SULT1B1: variants seen among roughly 807,000 people sequenced by gnomAD.
SULT1B1 encodes the protein sulfotransferase family 1B member 1, also known as sulfotransferase 1B1.
A neutral mutation model predicts 34.6 loss-of-function variants in SULT1B1; 28 were observed. The observed-to-expected ratio is 0.81, with a 90% confidence interval of 0.60 to 1.11. The LOEUF is 1.11. SULT1B1 is among the 50% of genes least tolerant of loss of function. The probability of loss-of-function intolerance (pLI) is 0.00; values close to 1 mark genes in which losing one functional copy is unlikely to be tolerated. For synonymous variants in SULT1B1, 147 were observed against 110.2 expected, an observed-to-expected ratio of 1.33 and a Z score of -2.09; for missense variants, 374 against 352.2, an observed-to-expected ratio of 1.06 and a Z score of -0.50.
intron 4 of SULT1B1, among the ~76,000 whole-genome samples, chr4:69,748,822 C>T (rs958160122): frequency 6.6e-6 from 1 of 152,012 alleles, no homozygotes; most frequent in Admixed American, 6.5e-5. Flanking sequence ...CAATTGAAAG[C>T]ATGACATATC....
At chr4:69,729,826 A>C (rs1252951535) in intron 7 of SULT1B1, among the ~76,000 whole-genome samples, 1 of 152,196 alleles carries the variant, frequency 6.6e-6, no homozygotes, top group South Asian at 2.1e-4. Flanking sequence ...TAACTTCTCA[A>C]AGTTATTTAA....
At position 69,727,098 on chromosome 4, in the gene SULT1B1, G is replaced by T. The variant is rs1176150916; in HGVS notation, c.881C>A (p.Thr294Lys). The T allele has an allele frequency of 3.7e-6, 6 of 1,602,326 alleles. No individual in the cohort carries two copies. The highest frequency in any genetic ancestry group is 5.1e-6 in the Non-Finnish European group (6 of 1,174,694). The change falls in exon 8 of 8, where the codon ACA (threonine) becomes AAA (lysine). Residue 294 changes from threonine (T) to lysine (K), a missense_variant. Thr to Lys is a moderately conservative substitution (Grantham distance 78, BLOSUM62 -1). Transcript: ENST00000310613. ...EMSKTALQFR[T>K]EI ...TGTGATTTAGACACTTTAAATCTCT[G>T]TGCGGAATTGAAGTGCAGTTTTGGA...
chr4:69,743,252 G>C (rs1718620328), intron 4 of SULT1B1, among the ~76,000 whole-genome samples: 1 of 152,170 alleles, frequency 6.6e-6, no homozygotes, highest in South Asian at 2.1e-4. Context: ...ATGAAGAGGA[G>C]CTTTATTGAG....
In SULT1B1 at chr4:69,733,094, AC is replaced by A. The variant is rs536657700; in HGVS notation, c.597+318del. Among the ~76,000 whole-genome samples the A allele has an allele frequency of 5.7e-4, 87 of 152,294 alleles. 1 individual carries two copies. The highest frequency in any genetic ancestry group is 2.0e-3 in the African/African-American group (85 of 41,586). The stretch of plus-strand genomic sequence containing the variant: ...CGAATATAGCAAACAATTTTTAAAA[AC>A]AATGTTAAAATATTAATGAGTAGAT... On this transcript the variant is annotated intron_variant, in intron 6 of 7. Transcript: ENST00000310613.
rs773785995 is a variant in SULT1B1 at position 69,755,104 on chromosome 4, TG to T, written c.113del (p.Pro38GlnfsTer5). 2.1e-5 allele frequency: 34 copies of T among 1,613,902 alleles called. No individual in the cohort carries two copies. Among genetic ancestry groups the T allele is most frequent in the Middle Eastern group, 1.7e-4 (1 of 6,060 alleles). ...WEKIEQFHSR[P>X]DDIVIATYPK... Reference sequence around the variant, plus strand: ...GATAAGTGGCTATCACAATGTCATCTGGTCTGCTATGGAACTGTTCAATTTT... The same window carrying T: ...GATAAGTGGCTATCACAATGTCATCTGTCTGCTATGGAACTGTTCAATTTT... On this transcript the variant is annotated frameshift_variant, in exon 2 of 8. Coordinates refer to ENST00000310613, the MANE Select transcript of SULT1B1 (RefSeq NM_014465.4). LOFTEE classifies it high-confidence loss of function.
chr4:69,754,604 A>G lies in SULT1B1; in HGVS notation c.277+66T>C, dbSNP rs1221736703. 5 of 1,498,722 alleles carry G rather than the reference A, an allele frequency of 3.3e-6. No homozygotes were observed. In the African/African-American group the frequency reaches 7.0e-5, roughly 21 times the overall value. The allele number at this position is 1,498,722 out of a possible 1,614,324, so 92.8% of individuals were successfully genotyped here. On this transcript the variant is annotated intron_variant, in intron 3 of 7. Coordinates refer to ENST00000310613, the MANE Select transcript of SULT1B1 (RefSeq NM_014465.4). Reference sequence around the variant, plus strand: ...ACTCCGGTTTCAGTGAAAGTCACACATACAATAATGCATATGCTGTCTAAA... The same window carrying G: ...ACTCCGGTTTCAGTGAAAGTCACACGTACAATAATGCATATGCTGTCTAAA...
Position 69,724,193 on chromosome 4 carries a change from C to T in SULT1B1, c.*2895G>A, listed in dbSNP as rs1717737214. 6.6e-6 allele frequency: 1 copy of T among 152,174 alleles called. No homozygotes were observed. Among genetic ancestry groups the T allele is most frequent in the South Asian group, 2.1e-4 (1 of 4,826 alleles). The allele number at this position is 152,174 out of a possible 1,614,324, so 9.4% of individuals were successfully genotyped here. A position where few individuals can be genotyped will look rare whatever the true frequency, so the allele number is the denominator to read the frequency against. Reference sequence around the variant, plus strand: ...TCAGCAAAGTCTCAGGATACAAAATCAATGTACAAAAATCACAAGCATTCT... The same window carrying T: ...TCAGCAAAGTCTCAGGATACAAAATTAATGTACAAAAATCACAAGCATTCT... On this transcript the variant is annotated 3_prime_UTR_variant, in exon 8 of 8. Coordinates refer to ENST00000310613, the MANE Select transcript of SULT1B1 (RefSeq NM_014465.4).
At chr4:69,745,000 A>G (rs757046724) in intron 4 of SULT1B1, among the ~76,000 whole-genome samples, 1 of 152,056 alleles carries the variant, frequency 6.6e-6, no homozygotes, top group Non-Finnish European at 1.5e-5. Context: ...ACATTGTTTC[A>G]GGGGCAGGTC....
At chr4:69,756,279 ATG>A (rs1340956242) in intron 1 of SULT1B1, among the ~76,000 whole-genome samples, 7 of 138,052 alleles carry the variant, frequency 5.1e-5, no homozygotes, top group Non-Finnish European at 1.2e-4. Flanking sequence ...CCTTGTTTAC[ATG>A]TCTGATAATT....
At position 69,726,033 on chromosome 4, in the gene SULT1B1, C is replaced by CATATATATAT. The variant is rs756017821; in HGVS notation, c.*1045_*1054dup. The CATATATATAT allele has an allele frequency of 2.4e-3, 69 of 29,116 alleles. 5 individuals carry two copies. Among genetic ancestry groups the CATATATATAT allele is most frequent in the Non-Finnish European group, 3.4e-3 (41 of 12,008 alleles). 1.8% of individuals were successfully genotyped at this position (29,116 alleles called of 1,614,324 possible). ...ACTTAAAGTATAATAATAAAATGTA[C>CATATATATAT]ATATATATATATATATATATATATA... is the stretch of plus-strand genomic sequence containing the variant. On this transcript the variant is annotated 3_prime_UTR_variant, in exon 8 of 8. Coordinates refer to ENST00000310613, the MANE Select transcript of SULT1B1 (RefSeq NM_014465.4).
At position 69,742,934 on chromosome 4, in the gene SULT1B1, A is replaced by G. The variant is rs1718607433; in HGVS notation, c.375+6787T>C. Among the ~76,000 whole-genome samples the G allele has an allele frequency of 1.3e-5, 2 of 152,224 alleles. 1 individual carries two copies. Among genetic ancestry groups the G allele is most frequent in the East Asian group, 3.9e-4 (2 of 5,172 alleles). ...AGCTGGACCAGGCACACCATAAACA[A>G]CTTCCACAGCTGATACCGAGGAACA... On this transcript the variant is annotated intron_variant, in intron 4 of 7. Coordinates refer to ENST00000310613, the MANE Select transcript of SULT1B1 (RefSeq NM_014465.4).
chr4:69,747,943 T>C (rs1718821228), intron 4 of SULT1B1, among the ~76,000 whole-genome samples: 1 of 152,094 alleles, frequency 6.6e-6, no homozygotes, highest in Admixed American at 6.5e-5. Context: ...TCCAAAGATT[T>C]TTTTGGAGTA....
intron 4 of SULT1B1, among the ~76,000 whole-genome samples, chr4:69,738,634 A>G (rs1322009782): frequency 6.6e-6 from 1 of 152,096 alleles, no homozygotes; most frequent in Non-Finnish European, 1.5e-5. Flanking sequence ...ACACAGAGCT[A>G]AGCCATATCA....
intron 6 of SULT1B1, among the ~76,000 whole-genome samples, chr4:69,731,121 C>T (rs1718066003): frequency 2.0e-5 from 3 of 152,168 alleles, no homozygotes; most frequent in Admixed American, 6.5e-5. Flanking sequence ...GGATCGCCAA[C>T]CCACTGGCTT....
chr4:69,730,818 A>G (rs1172778102), intron 6 of SULT1B1, 137 bp from the exon 7 acceptor site: 2 of 731,476 alleles, frequency 2.7e-6, no homozygotes, highest in East Asian at 2.8e-5. Context: ...GTTTTTCTCA[A>G]TTTTTAAATA....
intron 2 of SULT1B1, 59 bp from the exon 3 acceptor site, chr4:69,754,857 G>C: frequency 6.4e-7 from 1 of 1,555,300 alleles, no homozygotes; most frequent in Non-Finnish European, 8.7e-7. Context: ...AGAGGGAGAA[G>C]AATTTATTGG....
chr4:69,732,548 C>A (rs563786315), intron 6 of SULT1B1, among the ~76,000 whole-genome samples: 1 of 151,870 alleles, frequency 6.6e-6, no homozygotes, highest in African/African-American at 2.4e-5. Flanking sequence ...AGACAAACTT[C>A]GTAATTTTCA....
chr4:69,741,324 T>C (rs2110023632), intron 4 of SULT1B1, among the ~76,000 whole-genome samples: 2 of 152,316 alleles, frequency 1.3e-5, no homozygotes, highest in Middle Eastern at 3.4e-3. Context: ...GTGATGCCAC[T>C]GGCTTTGTTC....
intron 3 of SULT1B1, among the ~76,000 whole-genome samples, chr4:69,752,173 G>A (rs974189203): frequency 3.3e-5 from 5 of 152,330 alleles, no homozygotes; most frequent in Admixed American, 1.3e-4. Context: ...GTAATGCTAA[G>A]TAAAAAATGT....
Sources: gnomAD v4.1 joint callset for allele counts (sites outside exome capture counted in the v4.1 genomes callset) on GRCh38, gnomAD v4.1.1 for gene constraint, MANE v1.5 for transcripts, NCBI Gene and HGNC (gene_info 2026-07-23, HGNC 2026-07-21) for gene names.